The following AP1M1 variants were observed in gnomAD, a reference collection of about 807,000 sequenced individuals.
The protein encoded by AP1M1 is AP-1 complex subunit mu-1.
A neutral mutation model predicts 57.1 loss-of-function variants in AP1M1; 18 were observed. The observed-to-expected ratio is 0.32, with a 90% CI of 0.22 to 0.47. The LOEUF (loss-of-function observed/expected upper bound fraction) is 0.47. AP1M1 is among the 20% of genes least tolerant of loss of function. AP1M1 has a pLI of 1.00. For missense variants in AP1M1, 362 were observed against 593.5 expected, an observed-to-expected ratio of 0.61 and a Z score of 4.05; for synonymous variants, 241 against 237.9, an observed-to-expected ratio of 1.01 and a Z score of -0.12.
intron 9 of AP1M1, among the ~76,000 whole-genome samples, chr19:16,232,762 A>C (rs1390736431): frequency 6.6e-6 from 1 of 152,210 alleles, no homozygotes; most frequent in Non-Finnish European, 1.5e-5. Flanking sequence ...TGGGGAGCAG[A>C]GACTGTGGGG....
intron 10 of AP1M1, 36 bp from the exon 11 acceptor site, chr19:16,234,163 C>G: frequency 6.3e-7 from 1 of 1,592,922 alleles, no homozygotes; most frequent in East Asian, 2.2e-5. Context: ...AGGGCGGGAG[C>G]CTGCGGTGCT....
Position 16,207,195 on chromosome 19 carries a change from T to C in AP1M1, c.267+787T>C, listed in dbSNP as rs2091472904. ...AGTGGGGAACAGGACCCAGGAGGCC[T>C]GTGCTGGGCCTGGGAAAGCTTTCAT... is the stretch of plus-strand genomic sequence containing the variant. On this transcript the variant is annotated intron_variant, in intron 3 of 11. Transcript: ENST00000291439. This position sits in a 1 kb window ranked among gnomAD's most constrained non-coding sequence, Gnocchi z 4.2. 6.6e-6 allele frequency among the ~76,000 whole-genome samples: 1 copy of C among 152,062 alleles called. No individual in the cohort carries two copies. Among genetic ancestry groups the C allele is most frequent in the Non-Finnish European group, 1.5e-5 (1 of 68,000 alleles).
rs1382842430 is a variant in AP1M1 at position 16,234,645 on chromosome 19, G to A, written c.*210G>A. ...TTTCCCAGAAGAGGCTGGTCTTCAA[G>A]AAGTCTCGTTTCTTTGCCCCTGAAG... On this transcript the variant is annotated 3_prime_UTR_variant, in exon 12 of 12. Coordinates refer to ENST00000291439, the MANE Select transcript of AP1M1 (RefSeq NM_032493.4). 4.8e-6 allele frequency: 3 copies of A among 620,220 alleles called. No homozygotes were observed. In the South Asian group the frequency reaches 5.9e-5, roughly 12 times the overall value. The allele number at this position is 620,220 out of a possible 1,614,324, so 38.4% of individuals were successfully genotyped here. A position where few individuals can be genotyped will look rare whatever the true frequency, so the allele number is the denominator to read the frequency against.
intron 5 of AP1M1, among the ~76,000 whole-genome samples, chr19:16,214,748 T>C (rs1048484096): frequency 3.3e-5 from 5 of 151,774 alleles, no homozygotes; most frequent in Non-Finnish European, 7.4e-5. Flanking sequence ...AAGGATCTTT[T>C]TTATTCTTCT....
In AP1M1 at chr19:16,237,147, C is replaced by T. The variant is rs1599470008; in HGVS notation, c.*2712C>T. On this transcript the variant is annotated 3_prime_UTR_variant, in exon 12 of 12. Transcript: ENST00000291439. ...AAGAAGATGAAATACAAATGGCGAC[C>T]GTTCGGCCAGGCGTGGTGGCTCACG... The T allele has an allele frequency of 6.6e-6, 1 of 152,184 alleles. No homozygotes were observed. 9.4% of individuals were successfully genotyped at this position (152,184 alleles called of 1,614,324 possible). A position where few individuals can be genotyped will look rare whatever the true frequency, so the allele number is the denominator to read the frequency against.
chr19:16,199,005 A>T (rs4808468), intron 1 of AP1M1, among the ~76,000 whole-genome samples: 1 of 151,994 alleles, frequency 6.6e-6, no homozygotes, highest in Non-Finnish European at 1.5e-5. Flanking sequence ...GCAGGGTTTC[A>T]CCATGTTGAC....
chr19:16,206,370 G>A lies in AP1M1; in HGVS notation c.229G>A (p.Val77Met), dbSNP rs778991416. 8.7e-6 allele frequency: 14 copies of A among 1,614,030 alleles called. No homozygotes were observed. The highest frequency in any genetic ancestry group is 3.3e-5 in the South Asian group (3 of 91,082). ...LVATSKKNAC[V>M]SLVFSFLYKV... ...TGCCACATCCAAGAAGAACGCGTGCGTGTCGCTGGTCTTTTCTTTCCTCTA... is the reference window on the plus strand; with the variant it reads ...TGCCACATCCAAGAAGAACGCGTGCATGTCGCTGGTCTTTTCTTTCCTCTA... The change falls in exon 3 of 12, where the codon GTG becomes ATG. Residue 77 changes from valine (V) to methionine (M), a missense_variant. Val to Met is a conservative substitution (Grantham distance 21). This residue lies in a region of AP1M1 where 337 missense variants were observed against 511.1 expected (regional missense o/e 0.66). Coordinates refer to ENST00000291439, the MANE Select transcript of AP1M1 (RefSeq NM_032493.4). The surrounding 1 kb of genome is among the most constrained non-coding windows in gnomAD (Gnocchi z 4.3).
Position 16,227,442 on chromosome 19 carries a change from G to A in AP1M1, c.674-106G>A. ...GTGGCCCAGGCTGCTCTCAGTGCGT[G>A]GACTGGGGGCCCTGCTCTGCCGGGG... On this transcript the variant is annotated intron_variant, in intron 6 of 11. Coordinates refer to ENST00000291439, the MANE Select transcript of AP1M1 (RefSeq NM_032493.4). The surrounding 1 kb of genome is among the most constrained non-coding windows in gnomAD (Gnocchi z 6.2). The A allele has an allele frequency of 7.4e-7, 1 of 1,351,222 alleles. No individual in the cohort carries two copies. The highest frequency in any genetic ancestry group is 1.0e-6 in the Non-Finnish European group (1 of 967,118). 83.7% of individuals were successfully genotyped at this position (1,351,222 alleles called of 1,614,324 possible).
At chr19:16,220,165 T>TG (rs2091537490) in intron 5 of AP1M1, among the ~76,000 whole-genome samples, 1 of 152,230 alleles carries the variant, frequency 6.6e-6, no homozygotes, top group Non-Finnish European at 1.5e-5. Context: ...TATCCGAGCC[T>TG]GGAGATTTAT....
rs1294691590 is a variant in AP1M1 at position 16,242,759 on chromosome 19, CATTT to C, written c.*8326_*8329del. On this transcript the variant is annotated 3_prime_UTR_variant, in exon 12 of 12. Coordinates refer to ENST00000291439, the MANE Select transcript of AP1M1 (RefSeq NM_032493.4). ...AGATGTATTTATTTATTTATTCATT[CATTT>C]AATTTTTTGAGATGGAGTCTCGCTC... 6.6e-6 allele frequency: 1 copy of C among 152,000 alleles called. No individual in the cohort carries two copies. The highest frequency in any genetic ancestry group is 2.4e-5 in the African/African-American group (1 of 41,378). The allele number at this position is 152,000 out of a possible 1,614,324, so 9.4% of individuals were successfully genotyped here. A position where few individuals can be genotyped will look rare whatever the true frequency, so the allele number is the denominator to read the frequency against.
chr19:16,198,373 A>T (rs2091433220), intron 1 of AP1M1: 3 of 198,470 alleles, frequency 1.5e-5, no homozygotes, highest in African/African-American at 4.7e-5. Context: ...TCGGTGGAGG[A>T]CCCAGAAGCG....
rs751351568 is a variant in AP1M1 at position 16,234,454 on chromosome 19, AC to A, written c.*23del. On this transcript the variant is annotated 3_prime_UTR_variant, in exon 12 of 12. Coordinates refer to ENST00000291439, the MANE Select transcript of AP1M1 (RefSeq NM_032493.4). ...CCAGTGAGGGGCTGTCGCAGCCAAC[AC>A]CCCGGCCTCGGGGCTCCTGGTGGCA... 6.2e-6 allele frequency: 10 copies of A among 1,612,858 alleles called. No individual in the cohort carries two copies. In the South Asian group the frequency reaches 1.1e-4, roughly 18 times the overall value.
Position 16,228,249 on chromosome 19 carries a change from C to T in AP1M1, c.888+41C>T. ...CCACCCACTGAGGGCCTTCTGGTGT[C>T]TCTGGCCCGTCCCAGGAGCCTAACC... On this transcript the variant is annotated intron_variant, in intron 8 of 11. Coordinates refer to ENST00000291439, the MANE Select transcript of AP1M1 (RefSeq NM_032493.4). This position sits in a 1 kb window ranked among gnomAD's most constrained non-coding sequence, Gnocchi z 5.0. 6.2e-7 allele frequency: 1 copy of T among 1,602,560 alleles called. No homozygotes were observed. The highest frequency in any genetic ancestry group is 8.5e-7 in the Non-Finnish European group (1 of 1,172,472).
chr19:16,208,128 C>G lies in AP1M1; in HGVS notation c.377C>G (p.Thr126Ser). ...ELMDFGYPQT[T>S]DSKILQEYIT... The stretch of plus-strand genomic sequence containing the variant: ...ATGGACTTCGGCTACCCCCAGACCA[C>G]CGACAGCAAGATCCTGCAGGAGTGA... The change falls in exon 4 of 12, where the codon ACC (threonine) becomes AGC (serine). Residue 126 changes from threonine to serine, a missense_variant. Physicochemically the swap from Thr to Ser is moderately conservative, Grantham distance 58. Transcript: ENST00000291439. 1 of 1,613,442 alleles carries G rather than the reference C, an allele frequency of 6.2e-7. No homozygotes were observed. Among genetic ancestry groups the G allele is most frequent in the Non-Finnish European group, 8.5e-7 (1 of 1,179,692 alleles).
At position 16,245,021 on chromosome 19, in the gene AP1M1, C is replaced by T. The variant is rs1262153841; in HGVS notation, c.*10586C>T. 1.7e-5 allele frequency: 1 copy of T among 60,090 alleles called. No individual in the cohort carries two copies. The highest frequency in any genetic ancestry group is 3.0e-5 in the Non-Finnish European group (1 of 33,698). The allele number at this position is 60,090 out of a possible 1,614,324, so 3.7% of individuals were successfully genotyped here. On this transcript the variant is annotated 3_prime_UTR_variant, in exon 12 of 12. Transcript: ENST00000291439. ...CAAGCTATTCTCCTGCCTCAGCCTC[C>T]TGAGTAGCTGGGATTACACGATGCG...
rs1456371703 is a variant in AP1M1 at position 16,227,679 on chromosome 19, C to T, written c.805C>T (p.Leu269Phe). Residue 269 changes from leucine to phenylalanine, a missense_variant, in exon 7 of 12, where the codon CTC (leucine) becomes TTC (phenylalanine). By Grantham distance (22) the Leu-to-Phe change is conservative (BLOSUM62 0). Coordinates refer to ENST00000291439, the MANE Select transcript of AP1M1 (RefSeq NM_032493.4). This position sits in a 1 kb window ranked among gnomAD's most constrained non-coding sequence, Gnocchi z 6.2. ...DGEFELMSYR[L>F]NTHVKPLIWI... is the part of the protein sequence containing the mutation. ...CGAGTTCGAGCTCATGTCCTACCGT[C>T]TCAACACCCACGTGAGTGCGCCACC... The T allele has an allele frequency of 6.2e-7, 1 of 1,613,832 alleles. No individual in the cohort carries two copies. Among genetic ancestry groups the T allele is most frequent in the Non-Finnish European group, 8.5e-7 (1 of 1,179,876 alleles).
intron 5 of AP1M1, among the ~76,000 whole-genome samples, chr19:16,224,136 C>T (rs774637541): frequency 1.3e-5 from 2 of 152,238 alleles, no homozygotes; most frequent in Non-Finnish European, 2.9e-5. Context: ...TCGCGCACTC[C>T]GTGCAGACCT....
In AP1M1 at chr19:16,232,519, C is replaced by T. The variant is rs190103587; in HGVS notation, c.1048-974C>T. On this transcript the variant is annotated intron_variant, in intron 9 of 11. Coordinates refer to ENST00000291439, the MANE Select transcript of AP1M1 (RefSeq NM_032493.4). The stretch of plus-strand genomic sequence containing the variant: ...TAGTCACCGAGCGGGTTTGTTCCCT[C>T]GCTGCCTGCTTTACCAGTTGCTGAT... Among the ~76,000 whole-genome samples the T allele has an allele frequency of 4.0e-3, 612 of 152,344 alleles. 7 individuals are homozygous for T. Among genetic ancestry groups the T allele is most frequent in the African/African-American group, 0.013 (538 of 41,570 alleles).
chr19:16,222,774 A>G (rs2091551908), intron 5 of AP1M1, among the ~76,000 whole-genome samples: 1 of 150,912 alleles, frequency 6.6e-6, no homozygotes, highest in African/African-American at 2.4e-5. Flanking sequence ...TGCCTGGCTA[A>G]TTTTTTTTTA....
Sources: allele counts gnomAD v4.1 joint callset (sites outside exome capture counted in the v4.1 genomes callset), GRCh38; gene constraint gnomAD v4.1.1; regional missense constraint gnomAD v4.1.1; non-coding constraint Gnocchi (gnomAD v3.1); transcripts MANE v1.5; gene names NCBI Gene and HGNC (gene_info 2026-07-23, HGNC 2026-07-21).